The following PHF21B variants were observed in gnomAD, a reference collection of about 807,000 sequenced individuals.
PHF21B encodes PHD finger protein 21B.
PHF21B carries 22 observed loss-of-function variants against 62.2 expected under a neutral mutation model. That is an observed-to-expected ratio of 0.35 (90% CI 0.25 to 0.51). PHF21B has a LOEUF of 0.51. Among genes scored for constraint, PHF21B ranks in the 20% least tolerant of loss-of-function variants. PHF21B has a pLI of 0.97. For missense variants in PHF21B, 701 were observed against 707.9 expected (o/e 0.99, Z 0.11); for synonymous variants, 341 against 314.7 (o/e 1.08, Z -0.88).
intron 2 of PHF21B, among the ~76,000 whole-genome samples, chr22:44,926,687 G>A (rs923989117): frequency 1.3e-5 from 2 of 152,222 alleles, no homozygotes; most frequent in Admixed American, 1.3e-4. Context: ...GGGCTGGGAT[G>A]GCGATGTGTC....
chr22:44,909,779 G>A (rs968703688), intron 5 of PHF21B, among the ~76,000 whole-genome samples: 15 of 152,214 alleles, frequency 9.9e-5, no homozygotes, highest in Non-Finnish European at 2.2e-4. Context: ...TCTGCCTCCT[G>A]TTCTCTGCTG....
rs1033288537 is a variant in PHF21B at position 45,009,736 on chromosome 22, G to T, written c.-187C>A. 8.2e-5 allele frequency: 40 copies of T among 489,974 alleles called. No homozygotes were observed. Among genetic ancestry groups the T allele is most frequent in the Non-Finnish European group, 1.3e-4 (37 of 288,432 alleles). 30.4% of individuals were successfully genotyped at this position (489,974 alleles called of 1,614,324 possible). ...CGAAGGGGAAGACAGGCTTCCGGGC[G>T]CCGCGGCGCCGAGCCCTCGGCTGCC... is the stretch of plus-strand genomic sequence containing the variant. On this transcript the variant is annotated 5_prime_UTR_variant, in exon 1 of 13. Transcript: ENST00000313237. The surrounding 1 kb of genome is among the most constrained non-coding windows in gnomAD (Gnocchi z 5.9).
At chr22:44,893,368 C>T (rs558122905) in intron 7 of PHF21B, 89 bp downstream of exon 7, 94 of 1,298,964 alleles carry the variant, frequency 7.2e-5, no homozygotes, top group South Asian at 5.8e-4. Flanking sequence ...CTTAGGAAAG[C>T]GAATGAGGGA....
intron 2 of PHF21B, among the ~76,000 whole-genome samples, chr22:44,960,686 G>A (rs918282404): frequency 6.6e-6 from 1 of 152,214 alleles, no homozygotes; most frequent in African/African-American, 2.4e-5. Flanking sequence ...AAAGCAGGTG[G>A]CCCTCACCAG....
In PHF21B at chr22:44,881,794, C is replaced by T. The variant is rs1287154026; in HGVS notation, c.*1292G>A. On this transcript the variant is annotated 3_prime_UTR_variant, in exon 13 of 13. Coordinates refer to ENST00000313237, the MANE Select transcript of PHF21B (RefSeq NM_138415.5). The stretch of plus-strand genomic sequence containing the variant: ...GACGCTTATCCTGTTGTGCTGAGTC[C>T]CTCAGGACTGGGATGTGGGAATCGG... 2.0e-5 allele frequency: 3 copies of T among 152,672 alleles called. No individual in the cohort carries two copies. The highest frequency in any genetic ancestry group is 1.9e-4 in the East Asian group (1 of 5,190). The allele number at this position is 152,672 out of a possible 1,614,324, so 9.5% of individuals were successfully genotyped here.
rs1460802366 is a variant in PHF21B at position 45,009,966 on chromosome 22, T to G, written c.-417A>C. On this transcript the variant is annotated 5_prime_UTR_variant, in exon 1 of 13. Transcript: ENST00000313237. The surrounding 1 kb of genome is among the most constrained non-coding windows in gnomAD (Gnocchi z 5.9). ...GCGCGCGCCTGGATCTCGTTGGGCC[T>G]CGGCAAAGTTGTGCCTCGGCACGAT... is the stretch of plus-strand genomic sequence containing the variant. The G allele has an allele frequency of 6.9e-6, 1 of 145,618 alleles. No individual in the cohort carries two copies. The highest frequency in any genetic ancestry group is 2.5e-5 in the African/African-American group (1 of 40,344). 9.0% of individuals were successfully genotyped at this position (145,618 alleles called of 1,614,324 possible).
At position 44,883,152 on chromosome 22, in the gene PHF21B, C is replaced by A. The variant is rs1372701224; in HGVS notation, c.1530G>T (p.Gly510=). The A allele has an allele frequency of 6.2e-7, 1 of 1,612,982 alleles. No individual in the cohort carries two copies. Among genetic ancestry groups the A allele is most frequent in the Admixed American group, 1.7e-5 (1 of 60,022 alleles). The change falls in exon 13 of 13, where the codon GGG becomes GGT. Residue 510 remains glycine, a synonymous_variant. Coordinates refer to ENST00000313237, the MANE Select transcript of PHF21B (RefSeq NM_138415.5). ...CTGCCACTGAGGGCTTGGTCCAGGG[C>A]CCGGCCAGCAGTGGGGCAGGGCTAG... ...TTTSPAPLLA[G]PWTKPSVAAT...
chr22:44,903,581 G>A (rs566191291), intron 5 of PHF21B, among the ~76,000 whole-genome samples: 2 of 152,280 alleles, frequency 1.3e-5, no homozygotes, highest in East Asian at 3.9e-4. Context: ...TTTGCCCTGT[G>A]GGATCAACTG....
intron 5 of PHF21B, among the ~76,000 whole-genome samples, chr22:44,900,761 C>T (rs1395218166): frequency 6.7e-6 from 1 of 150,148 alleles, no homozygotes; most frequent in African/African-American, 2.5e-5. Context: ...ACCAGCTTAA[C>T]TGCTTTCCCT....
At chr22:44,902,041 C>A in intron 5 of PHF21B, 1 of 236,034 alleles carries the variant, frequency 4.2e-6, no homozygotes. Flanking sequence ...TCACTGGACA[C>A]CACAGAGGCA....
At chr22:44,994,554 T>C (rs2073090428) in intron 2 of PHF21B, among the ~76,000 whole-genome samples, 4 of 152,188 alleles carry the variant, frequency 2.6e-5, no homozygotes, top group Non-Finnish European at 5.9e-5. Context: ...ATTCTGCTAT[T>C]TTACGCTGCC....
At chr22:44,967,471 TC>T (rs1413814531) in intron 2 of PHF21B, among the ~76,000 whole-genome samples, 1 of 152,168 alleles carries the variant, frequency 6.6e-6, no homozygotes, top group African/African-American at 2.4e-5. Flanking sequence ...TCTGCCTGCC[TC>T]GGCCTCCCAA....
chr22:45,002,442 A>C (rs371377825), intron 2 of PHF21B, among the ~76,000 whole-genome samples: 2 of 152,278 alleles, frequency 1.3e-5, no homozygotes, highest in East Asian at 3.9e-4. Context: ...TTTGGCTCTA[A>C]GAACCTCTGC....
intron 2 of PHF21B, among the ~76,000 whole-genome samples, chr22:44,931,995 C>T (rs188571561): frequency 3.3e-5 from 5 of 152,130 alleles, no homozygotes; most frequent in African/African-American, 7.2e-5. Flanking sequence ...CTCTAAGCTG[C>T]GTCCCCCAGG....
rs182569476 is a variant in PHF21B at position 44,899,152 on chromosome 22, G to C, written c.832-3069C>G. ...TGAAATTTAGAAACCATCTTAGGAA[G>C]CTCTGAGGATGAGGGAATCAGTTGG... On this transcript the variant is annotated intron_variant, in intron 5 of 12. Transcript: ENST00000313237. Among the ~76,000 whole-genome samples, 206 of 152,278 alleles carry C rather than the reference G, an allele frequency of 1.4e-3. 1 individual carries two copies. Among genetic ancestry groups the C allele is most frequent in the African/African-American group, 4.7e-3 (196 of 41,562 alleles).
At chr22:44,967,917 C>G (rs891500700) in intron 2 of PHF21B, among the ~76,000 whole-genome samples, 1 of 152,156 alleles carries the variant, frequency 6.6e-6, no homozygotes, top group Non-Finnish European at 1.5e-5. Flanking sequence ...TGGGATGTGT[C>G]TGTTTCTCTC....
chr22:44,911,325 TACTTA>T (rs1352185802), intron 5 of PHF21B, among the ~76,000 whole-genome samples: 1 of 148,472 alleles, frequency 6.7e-6, no homozygotes, highest in Non-Finnish European at 1.5e-5. Flanking sequence ...AACGAGGAGT[TACTTA>T]TGTTAATCAC....
intron 2 of PHF21B, among the ~76,000 whole-genome samples, chr22:44,987,849 C>A (rs892040853): frequency 6.6e-6 from 1 of 151,826 alleles, no homozygotes; most frequent in African/African-American, 2.4e-5. Flanking sequence ...GCTATCAGGC[C>A]ATAGATTATA....
intron 2 of PHF21B, among the ~76,000 whole-genome samples, chr22:44,923,221 G>A (rs2071568795): frequency 6.6e-6 from 1 of 151,608 alleles, no homozygotes; most frequent in African/African-American, 2.4e-5. Context: ...AGCCCAAAAA[G>A]GTAATTAATT....
Sources: allele counts gnomAD v4.1 joint callset (sites outside exome capture counted in the v4.1 genomes callset), GRCh38; gene constraint gnomAD v4.1.1; non-coding constraint Gnocchi (gnomAD v3.1); transcripts MANE v1.5; gene names NCBI Gene and HGNC (gene_info 2026-07-23, HGNC 2026-07-21).